Variants in PCMT1 observed in about 807,000 individuals in gnomAD.
PCMT1 encodes the protein protein-L-isoaspartate (D-aspartate) O-methyltransferase.
Under a neutral mutation model 29.2 loss-of-function variants are expected in PCMT1, and 9 were observed. The ratio of observed to expected loss-of-function variants is 0.31; its 90% CI spans 0.19 to 0.54. The LOEUF (loss-of-function observed/expected upper bound fraction) is 0.54, where lower values mean the gene tolerates loss of function less well. Among genes scored for constraint, PCMT1 ranks in the 20% least tolerant of loss-of-function variants. The pLI is 0.95. For missense variants in PCMT1, 184 were observed against 282.2 expected (o/e 0.65, Z 2.49); for synonymous variants, 98 against 97.5 (o/e 1.00, Z -0.03).
chr6:149,771,123 GTCTC>G (rs777023112), intron 1 of PCMT1, 35 bp from the exon 2 acceptor site: 2 of 1,136,904 alleles, frequency 1.8e-6, no homozygotes, highest in South Asian at 2.5e-5. Context: ...CTCTGATCAT[GTCTC>G]TCTCTTCTGA....
intron 4 of PCMT1, among the ~76,000 whole-genome samples, chr6:149,790,570 A>G (rs1231821203): frequency 6.9e-6 from 1 of 144,402 alleles, no homozygotes; most frequent in South Asian, 2.1e-4. Context: ...TTTGGTCCAC[A>G]GTTGGTATTT....
At chr6:149,758,208 C>CTTTTTTTTTTTT (rs756014067) in intron 1 of PCMT1, among the ~76,000 whole-genome samples, 9 of 73,908 alleles carry the variant, frequency 1.2e-4, no homozygotes, top group African/African-American at 2.6e-4. Context: ...TTCTTTCTTT[C>CTTTTTTTTTTTT]TTTTTTTTTT....
At chr6:149,765,628 A>T (rs1483862152) in intron 1 of PCMT1, 10 of 357,230 alleles carry the variant, frequency 2.8e-5, no homozygotes, top group Middle Eastern at 9.3e-4. Flanking sequence ...TATACCCTTT[A>T]TAGTGTCGTT....
chr6:149,786,973 C>T (rs1397299990), intron 3 of PCMT1, among the ~76,000 whole-genome samples: 2 of 130,870 alleles, frequency 1.5e-5, no homozygotes, highest in Admixed American at 7.9e-5. Context: ...CGCCACTGCA[C>T]TCCAGCCTGG....
intron 2 of PCMT1, chr6:149,772,000 G>C (rs1316765627): frequency 2.2e-6 from 1 of 456,450 alleles, no homozygotes; most frequent in African/African-American, 2.0e-5. Flanking sequence ...TTTTTGGCTT[G>C]TGTTTGTTTT....
chr6:149,797,940 TGAATCACTTGCGCTCAGAA>T (rs1788680260), intron 6 of PCMT1: 1 of 151,874 alleles, frequency 6.6e-6, no homozygotes, highest in Admixed American at 6.6e-5. Flanking sequence ...CTAAGGCAGA[TGAATCACTTGCGCTCAGAA>T]GTTCGAGACC....
intron 3 of PCMT1, 105 bp from the exon 4 acceptor site, chr6:149,789,849 G>C (rs1043331219): frequency 2.2e-5 from 13 of 602,652 alleles, no homozygotes; most frequent in Admixed American, 6.2e-5. Context: ...TGGTTATCTT[G>C]GTAGATGACA....
At chr6:149,788,256 C>T (rs1450949807) in intron 3 of PCMT1, among the ~76,000 whole-genome samples, 1 of 152,184 alleles carries the variant, frequency 6.6e-6, no homozygotes, top group Admixed American at 6.5e-5. Context: ...CTTACATACC[C>T]ATAGTACAAT....
rs1554251094 is a variant in PCMT1 at position 149,758,208 on chromosome 6, C to CTTTCTTTTTTTTTT, written c.55+8255_55+8256insCTTTTTTTTTTTTT. 2.3e-3 allele frequency among the ~76,000 whole-genome samples: 167 copies of CTTTCTTTTTTTTTT among 73,884 alleles called. 9 individuals carry two copies. Among genetic ancestry groups the CTTTCTTTTTTTTTT allele is most frequent in the Non-Finnish European group, 3.4e-3 (139 of 40,386 alleles). 48.5% of individuals were successfully genotyped at this position (73,884 alleles called of 152,430 possible). On this transcript the variant is annotated intron_variant, in intron 1 of 7. Transcript: ENST00000464889. ...CAATTTTTTTTTTCTTTCTTTCTTT[C>CTTTCTTTTTTTTTT]TTTTTTTTTTTTTTTTTTCTGAGAC...
intron 5 of PCMT1, chr6:149,794,709 T>C (rs1473669600): frequency 2.4e-6 from 1 of 413,584 alleles, no homozygotes; most frequent in African/African-American, 2.1e-5. Flanking sequence ...AGTGGAGGTG[T>C]TGCTTGCCTT....
At chr6:149,805,341 C>A (rs1381530416) in intron 7 of PCMT1, among the ~76,000 whole-genome samples, 1 of 152,126 alleles carries the variant, frequency 6.6e-6, no homozygotes, top group Non-Finnish European at 1.5e-5. Flanking sequence ...CGCCTGTAAT[C>A]CCAGCACTTT....
intron 5 of PCMT1, chr6:149,795,496 C>A (rs1788567145): frequency 4.9e-6 from 2 of 409,112 alleles, no homozygotes; most frequent in South Asian, 4.5e-5. Flanking sequence ...TAGACCCATC[C>A]GTTTCTACTG....
At chr6:149,770,772 G>T (rs1256711859) in intron 1 of PCMT1, among the ~76,000 whole-genome samples, 1 of 150,670 alleles carries the variant, frequency 6.6e-6, no homozygotes, top group Non-Finnish European at 1.5e-5. Context: ...GGGAGGCCAA[G>T]GTGAGCAGAT....
intron 3 of PCMT1, among the ~76,000 whole-genome samples, chr6:149,783,299 A>G (rs1787890374): frequency 6.6e-6 from 1 of 151,948 alleles, no homozygotes; most frequent in Non-Finnish European, 1.5e-5. Context: ...TGCCTGGATA[A>G]TTTCTGTAGT....
At chr6:149,788,338 A>G (rs180791376) in intron 3 of PCMT1, among the ~76,000 whole-genome samples, 153 of 152,340 alleles carry the variant, frequency 1.0e-3, no homozygotes, top group African/African-American at 3.6e-3. Flanking sequence ...GATTTCATCA[A>G]TTATTCTGAT....
chr6:149,783,024 T>C (rs974185053), intron 3 of PCMT1, among the ~76,000 whole-genome samples: 1 of 152,138 alleles, frequency 6.6e-6, no homozygotes, highest in African/African-American at 2.4e-5. Context: ...TATTTTGTTA[T>C]CATCAATGTA....
chr6:149,808,085 T>C (rs927984301), intron 7 of PCMT1, among the ~76,000 whole-genome samples: 2 of 152,188 alleles, frequency 1.3e-5, no homozygotes, highest in African/African-American at 2.4e-5. Context: ...TGGATTTTGA[T>C]TGTTGTTTCC....
intron 3 of PCMT1, among the ~76,000 whole-genome samples, chr6:149,786,575 A>G (rs58199261): frequency 4.7e-4 from 20 of 42,236 alleles, no homozygotes; most frequent in African/African-American, 2.5e-3. Flanking sequence ...GTTGCCAGGC[A>G]GAGGGTCTCC....
intron 7 of PCMT1, among the ~76,000 whole-genome samples, chr6:149,808,695 G>C (rs1391796930): frequency 1.3e-5 from 2 of 151,886 alleles, no homozygotes; most frequent in Non-Finnish European, 2.9e-5. Context: ...GGAGTGCAGT[G>C]GCGTGATCTC....
Sources: gnomAD v4.1 joint callset for allele counts (sites outside exome capture counted in the v4.1 genomes callset) on GRCh38, gnomAD v4.1.1 for gene constraint, MANE v1.5 for transcripts, NCBI Gene and HGNC (gene_info 2026-07-23, HGNC 2026-07-21) for gene names.